TMEM254: variants seen among roughly 807,000 people sequenced by gnomAD.
The protein encoded by TMEM254 is transmembrane protein C10orf57.
TMEM254 carries 16 observed loss-of-function variants against 13.9 expected under a neutral mutation model. The ratio of observed to expected loss-of-function variants is 1.15; its 90% CI spans 0.78 to 1.75. The LOEUF (loss-of-function observed/expected upper bound fraction) is 1.75. Among genes scored for constraint, TMEM254 ranks in the 40% most tolerant of loss-of-function variants. The pLI is 0.00. For missense variants in TMEM254, 155 were observed against 149.0 expected (o/e 1.04, Z -0.21); for synonymous variants, 61 against 56.4 (o/e 1.08, Z -0.36).
chr10:80,090,268 G>C, intron 3 of TMEM254: 2 of 648,774 alleles, frequency 3.1e-6, no homozygotes. Context: ...AATATAAGCA[G>C]GTGTTTATCA....
At chr10:80,079,287 A>G in intron 1 of TMEM254, 2 of 1,207,994 alleles carry the variant, frequency 1.7e-6, no homozygotes, top group African/African-American at 3.2e-5. Context: ...CGCGCATCTG[A>G]CGGTTGTCTC....
At position 80,090,804 on chromosome 10, in the gene TMEM254, G is replaced by A. The variant is rs772893009; in HGVS notation, c.259G>A (p.Gly87Ser). 20 of 1,612,796 alleles carry A rather than the reference G, an allele frequency of 1.2e-5. No homozygotes were observed. The highest frequency in any genetic ancestry group is 2.7e-5 in the African/African-American group (2 of 74,870). Residue 87 changes from glycine to serine, a missense_variant, in exon 4 of 4, where the codon GGC becomes AGC. Transcript: ENST00000372281. ...LYAIVLCKHKGITSGRAQLLW... is the reference protein window; with the variant it reads ...LYAIVLCKHKSITSGRAQLLW... ...TTGTTTTTTCTGTTTTAGGCATAAAGGCATCACAAGTGGTCGGGCTCAGCT... is the reference window on the plus strand; with the variant it reads ...TTGTTTTTTCTGTTTTAGGCATAAAAGCATCACAAGTGGTCGGGCTCAGCT...
At chr10:80,083,536 A>C (rs1291203757) in intron 3 of TMEM254, among the ~76,000 whole-genome samples, 1 of 152,158 alleles carries the variant, frequency 6.6e-6, no homozygotes, top group East Asian at 1.9e-4. Flanking sequence ...TTTCAAACAG[A>C]TCGTAGGATT....
intron 3 of TMEM254, among the ~76,000 whole-genome samples, chr10:80,083,618 A>G (rs112949000): frequency 1.5e-3 from 221 of 152,270 alleles, no homozygotes; most frequent in African/African-American, 5.1e-3. Context: ...TTCTAATTCA[A>G]AATGTCTGTT....
chr10:80,083,070 C>G (rs1414006292), intron 3 of TMEM254, among the ~76,000 whole-genome samples: 1 of 147,686 alleles, frequency 6.8e-6, no homozygotes, highest in African/African-American at 2.5e-5. Context: ...AATGATCTTA[C>G]TCTGTTTTCT....
At chr10:80,086,669 C>T (rs1468029152) in intron 3 of TMEM254, among the ~76,000 whole-genome samples, 3 of 151,698 alleles carry the variant, frequency 2.0e-5, no homozygotes, top group East Asian at 1.9e-4. Flanking sequence ...GGTGAAACCC[C>T]GTCTCTACTA....
intron 3 of TMEM254, 117 bp downstream of exon 3, chr10:80,082,321 G>A (rs574111280): frequency 2.2e-5 from 27 of 1,210,870 alleles, no homozygotes; most frequent in African/African-American, 1.7e-4. Flanking sequence ...AGGGTAGAGC[G>A]GAATCCCCAT....
intron 3 of TMEM254, among the ~76,000 whole-genome samples, chr10:80,083,392 C>T (rs1844149712): frequency 1.3e-5 from 2 of 152,150 alleles, no homozygotes; most frequent in African/African-American, 4.8e-5. Context: ...AGGCATGAGC[C>T]ACTGTGCCTG....
In TMEM254 at chr10:80,086,106, T is replaced by C. The variant is rs111409435; in HGVS notation, c.251+3902T>C. The C allele has an allele frequency of 1.8e-3, 916 of 523,382 alleles. 14 individuals are homozygous for C. Among genetic ancestry groups the C allele is most frequent in the African/African-American group, 0.017 (839 of 49,748 alleles). The allele number at this position is 523,382 out of a possible 1,614,324, so 32.4% of individuals were successfully genotyped here. On this transcript the variant is annotated intron_variant, in intron 3 of 3. Transcript: ENST00000372281. ...CAAGTATCAGAGGTAACATTTTTTC[T>C]TAAGGCAGGAAAAAGTGTACTCACA... is the stretch of plus-strand genomic sequence containing the variant.
intron 1 of TMEM254, 169 bp from the exon 2 acceptor site, chr10:80,081,672 A>AAAAG (rs143538725): frequency 1.3e-6 from 2 of 1,566,494 alleles, no homozygotes; most frequent in Middle Eastern, 1.7e-4. Context: ...TGTCAAAAAA[A>AAAAG]AAAGAAAGAA....
rs112303076 is a variant in TMEM254 at position 80,086,695 on chromosome 10, G to T, written c.252-4102G>T. On this transcript the variant is annotated intron_variant, in intron 3 of 3. Transcript: ENST00000372281. ...GTCTCTACTAAAATACAAAAAATTA[G>T]CCGGGCATGGTGGCGGGCACCTGTA... Among the ~76,000 whole-genome samples the T allele has an allele frequency of 8.4e-4, 127 of 151,988 alleles. 1 individual carries two copies. The highest frequency in any genetic ancestry group is 2.9e-3 in the African/African-American group (122 of 41,482).
In TMEM254 at chr10:80,090,441, C is replaced by A. The variant is rs1039777369; in HGVS notation, c.252-356C>A. ...GCCCAGGTCACAGCTGGTAGGTAGCCACGCTAGGATTTATATCTGGTCTAT... is the reference window on the plus strand; with the variant it reads ...GCCCAGGTCACAGCTGGTAGGTAGCAACGCTAGGATTTATATCTGGTCTAT... On this transcript the variant is annotated intron_variant, in intron 3 of 3. Transcript: ENST00000372281. 9 of 717,196 alleles carry A rather than the reference C, an allele frequency of 1.3e-5. No homozygotes were observed. In the African/African-American group the frequency reaches 1.4e-4, roughly 11 times the overall value. The allele number at this position is 717,196 out of a possible 1,614,324, so 44.4% of individuals were successfully genotyped here.
intron 3 of TMEM254, among the ~76,000 whole-genome samples, chr10:80,088,431 A>G (rs1844415246): frequency 6.8e-6 from 1 of 147,230 alleles, no homozygotes; most frequent in Admixed American, 7.1e-5. Flanking sequence ...TATTTCCATT[A>G]TGTTTTTTTT....
intron 3 of TMEM254, among the ~76,000 whole-genome samples, chr10:80,089,308 G>A (rs1321829531): frequency 2.6e-5 from 4 of 152,092 alleles, no homozygotes; most frequent in Non-Finnish European, 5.9e-5. Context: ...ATAGAGTTTT[G>A]TAGATCTCCT....
At chr10:80,079,449 C>T (rs919482073) in intron 1 of TMEM254, 2 of 1,070,830 alleles carry the variant, frequency 1.9e-6, no homozygotes, top group Non-Finnish European at 2.3e-6. Context: ...AACAGACTGC[C>T]ATAGGCCTGC....
chr10:80,084,443 C>T (rs911278044), intron 3 of TMEM254, among the ~76,000 whole-genome samples: 2 of 152,192 alleles, frequency 1.3e-5, no homozygotes, highest in African/African-American at 4.8e-5. Context: ...CAGTAAACAA[C>T]TTCCGTATCC....
intron 3 of TMEM254, among the ~76,000 whole-genome samples, chr10:80,082,799 A>G (rs1188633417): frequency 6.6e-6 from 1 of 152,198 alleles, no homozygotes; most frequent in Non-Finnish European, 1.5e-5. Context: ...TTATGTTTGT[A>G]CTTTATATAA....
At chr10:80,080,516 C>G (rs573529015) in intron 1 of TMEM254, among the ~76,000 whole-genome samples, 2 of 152,102 alleles carry the variant, frequency 1.3e-5, no homozygotes, top group Non-Finnish European at 2.9e-5. Flanking sequence ...AAGGGAAAGC[C>G]GAGAAAGGAA....
At chr10:80,089,767 G>A (rs1844488187) in intron 3 of TMEM254, among the ~76,000 whole-genome samples, 1 of 152,100 alleles carries the variant, frequency 6.6e-6, no homozygotes, top group Admixed American at 6.5e-5. Flanking sequence ...ACTTTGGGAG[G>A]CCGAGGTGGG....
Sources: allele counts gnomAD v4.1 joint callset (sites outside exome capture counted in the v4.1 genomes callset), GRCh38; gene constraint gnomAD v4.1.1; transcripts MANE v1.5; gene names NCBI Gene and HGNC (gene_info 2026-07-23, HGNC 2026-07-21).